CCDC148: variants seen among roughly 807,000 people sequenced by gnomAD.
The protein encoded by CCDC148 is coiled-coil domain containing 148, also known as coiled-coil domain-containing protein 148.
In CCDC148, 89 loss-of-function variants were observed where a neutral mutation model predicts 85.7. That is an observed-to-expected ratio of 1.04 (90% confidence interval 0.87 to 1.24). The LOEUF (loss-of-function observed/expected upper bound fraction) is 1.24, where lower values mean the gene tolerates loss of function less well. Ranked by LOEUF, CCDC148 falls within the 50% of genes most tolerant of loss-of-function variation. The pLI is 0.00. For synonymous variants in CCDC148, 230 were observed against 213.9 expected (o/e 1.08, Z -0.66); for missense variants, 692 against 671.7 (o/e 1.03, Z -0.33).
At chr2:158,392,311 C>A (rs1226704201) in intron 1 of CCDC148, among the ~76,000 whole-genome samples, 1 of 152,138 alleles carries the variant, frequency 6.6e-6, no homozygotes, top group African/African-American at 2.4e-5. Flanking sequence ...TCTCTAAATT[C>A]ATAGTAGTGG....
chr2:158,357,676 C>T (rs1683731861), intron 2 of CCDC148, among the ~76,000 whole-genome samples: 1 of 152,034 alleles, frequency 6.6e-6, no homozygotes, highest in African/African-American at 2.4e-5. Context: ...AGATATGTCC[C>T]ATGAATATAC....
chr2:158,442,088 C>G (rs2094981801), intron 1 of CCDC148, among the ~76,000 whole-genome samples: 1 of 151,960 alleles, frequency 6.6e-6, no homozygotes, highest in South Asian at 2.1e-4. Context: ...ATAAAAAGAC[C>G]TGCTGTATTT....
chr2:158,368,524 T>C (rs941770136), intron 1 of CCDC148, among the ~76,000 whole-genome samples: 3 of 152,314 alleles, frequency 2.0e-5, no homozygotes, highest in African/African-American at 7.2e-5. Context: ...GTTAGTTTTA[T>C]AAATTATTCC....
intron 7 of CCDC148, among the ~76,000 whole-genome samples, chr2:158,316,060 A>C (rs1426235095): frequency 6.6e-6 from 1 of 152,164 alleles, no homozygotes; most frequent in Non-Finnish European, 1.5e-5. Flanking sequence ...GCTTTGTTTC[A>C]ATAGAACCTA....
chr2:158,408,821 G>T (rs564790832), intron 1 of CCDC148, among the ~76,000 whole-genome samples: 1 of 151,788 alleles, frequency 6.6e-6, no homozygotes, highest in Non-Finnish European at 1.5e-5. Flanking sequence ...AATGTCCAGG[G>T]TTCTATTTTC....
chr2:158,399,043 C>G (rs1351614813), intron 1 of CCDC148, among the ~76,000 whole-genome samples: 1 of 152,120 alleles, frequency 6.6e-6, no homozygotes, highest in Non-Finnish European at 1.5e-5. Context: ...GGATAAATTC[C>G]TGGACACATA....
intron 11 of CCDC148, among the ~76,000 whole-genome samples, chr2:158,216,545 T>C (rs1686872876): frequency 6.6e-6 from 1 of 151,838 alleles, no homozygotes; most frequent in Admixed American, 6.6e-5. Context: ...TACAGGTGCG[T>C]GCCACCATGC....
chr2:158,346,934 AAAGT>A (rs1210962254), intron 2 of CCDC148, among the ~76,000 whole-genome samples: 23 of 104,564 alleles, frequency 2.2e-4, no homozygotes, highest in Non-Finnish European at 4.7e-4. Flanking sequence ...TAAAAAATAC[AAAGT>A]CAAAGTCAAA....
intron 9 of CCDC148, among the ~76,000 whole-genome samples, chr2:158,276,874 T>A (rs1231578932): frequency 1.2e-4 from 18 of 152,232 alleles, no homozygotes; most frequent in Admixed American, 1.2e-3. Flanking sequence ...GTATGCTTTG[T>A]TAATATGACA....
intron 1 of CCDC148, among the ~76,000 whole-genome samples, chr2:158,376,223 A>C (rs894764435): frequency 3.3e-5 from 5 of 152,116 alleles, no homozygotes; most frequent in African/African-American, 1.2e-4. Context: ...ACTCTAATAG[A>C]ATTTCACATG....
intron 1 of CCDC148, among the ~76,000 whole-genome samples, chr2:158,406,609 A>ATTT (rs1167003825): frequency 7.0e-5 from 2 of 28,572 alleles, no homozygotes; most frequent in African/African-American, 1.7e-4. Context: ...AACAGATTAA[A>ATTT]TTTCTTTTTT....
At chr2:158,258,015 G>T (rs1417661706) in intron 9 of CCDC148, among the ~76,000 whole-genome samples, 1 of 151,850 alleles carries the variant, frequency 6.6e-6, no homozygotes, top group Non-Finnish European at 1.5e-5. Context: ...TCACTTCCCA[G>T]TTCTGGGCCT....
At chr2:158,189,889 T>C (rs377008268) in intron 11 of CCDC148, among the ~76,000 whole-genome samples, 1 of 151,918 alleles carries the variant, frequency 6.6e-6, no homozygotes, top group African/African-American at 2.4e-5. Flanking sequence ...ACACAGAAGA[T>C]ATGCACCAAT....
At chr2:158,331,047 C>T (rs552841655) in intron 7 of CCDC148, among the ~76,000 whole-genome samples, 2 of 152,252 alleles carry the variant, frequency 1.3e-5, no homozygotes, top group South Asian at 4.1e-4. Context: ...TCGCCTTCTG[C>T]TAGCTTTTGA....
intron 9 of CCDC148, among the ~76,000 whole-genome samples, chr2:158,292,840 T>C (rs980450118): frequency 1.3e-5 from 2 of 152,240 alleles, no homozygotes; most frequent in African/African-American, 2.4e-5. Flanking sequence ...AAGCCAGATG[T>C]AAACTATTTG....
intron 9 of CCDC148, among the ~76,000 whole-genome samples, chr2:158,269,133 C>T (rs1689592700): frequency 6.6e-6 from 1 of 152,052 alleles, no homozygotes; most frequent in African/African-American, 2.4e-5. Context: ...ATGAGGAACA[C>T]CTATACCATT....
rs1040506394 is a variant in CCDC148, at chr2:158,249,888, G to A, written c.1251+884C>T. 2.6e-5 allele frequency among the ~76,000 whole-genome samples: 4 copies of A among 152,196 alleles called. No individual in the cohort carries two copies. In the East Asian group the frequency reaches 7.7e-4, roughly 29 times the overall value. On this transcript the variant is annotated intron_variant, in intron 10 of 13. Transcript: ENST00000283233. Reference sequence around the variant, plus strand: ...TAATTAATCATTCTTGGCACTGCAAGCAGCTTTTCCAAAGAAAAGATTTTT... The same window carrying A: ...TAATTAATCATTCTTGGCACTGCAAACAGCTTTTCCAAAGAAAAGATTTTT...
At chr2:158,340,526 A>G in intron 4 of CCDC148, 72 bp downstream of exon 4, 1 of 1,383,148 alleles carries the variant, frequency 7.2e-7, no homozygotes, top group South Asian at 1.3e-5. Context: ...TTAAAAGAAC[A>G]TGAAGTGAGT....
At chr2:158,372,774 G>C (rs1340306665) in intron 1 of CCDC148, among the ~76,000 whole-genome samples, 1 of 151,990 alleles carries the variant, frequency 6.6e-6, no homozygotes, top group East Asian at 1.9e-4. Flanking sequence ...AGAACTCCCT[G>C]ACCTACCAAA....
Sources: gnomAD v4.1 joint callset for allele counts (sites outside exome capture counted in the v4.1 genomes callset) on GRCh38, gnomAD v4.1.1 for gene constraint, MANE v1.5 for transcripts, NCBI Gene and HGNC (gene_info 2026-07-23, HGNC 2026-07-21) for gene names.